The following KLHL29 variants were observed in gnomAD, a reference collection of about 807,000 sequenced individuals.
KLHL29 encodes the protein kelch like family member 29.
A neutral mutation model predicts 80.4 loss-of-function variants in KLHL29; 21 were observed. That is an observed-to-expected ratio of 0.26 (90% CI 0.19 to 0.38). KLHL29 has a LOEUF of 0.38. Among genes scored for constraint, KLHL29 ranks in the 10% least tolerant of loss-of-function variants. The pLI is 1.00. For missense variants in KLHL29, 867 were observed against 1,223.9 expected, an observed-to-expected ratio of 0.71 and a Z score of 4.35; for synonymous variants, 511 against 526.8, an observed-to-expected ratio of 0.97 and a Z score of 0.41.
chr2:23,638,890 A>C (rs561992042), intron 3 of KLHL29, among the ~76,000 whole-genome samples: 12 of 152,312 alleles, frequency 7.9e-5, no homozygotes, highest in African/African-American at 2.6e-4. Flanking sequence ...CAAGGGAGGC[A>C]CTGGCTTGGA....
chr2:23,584,379 C>T (rs1217565008), intron 3 of KLHL29, among the ~76,000 whole-genome samples: 20 of 152,258 alleles, frequency 1.3e-4, no homozygotes, highest in Admixed American at 1.3e-3. Flanking sequence ...ACCCTCCTCC[C>T]AGCTTCGCCC....
At chr2:23,461,646 C>T (rs1043655929) in intron 1 of KLHL29, among the ~76,000 whole-genome samples, 7 of 149,744 alleles carry the variant, frequency 4.7e-5, no homozygotes, top group Non-Finnish European at 1.0e-4. Flanking sequence ...ACCCCTCTAC[C>T]TTGTATGACT....
In KLHL29 at chr2:23,681,361, C is replaced by A. The variant is rs55859418; in HGVS notation, c.941-3038C>A. Among the ~76,000 whole-genome samples the A allele has an allele frequency of 0.099, 15,099 of 152,256 alleles. 860 individuals are homozygous for A. Among genetic ancestry groups the A allele is most frequent in the Middle Eastern group, 0.17 (49 of 294 alleles). On this transcript the variant is annotated intron_variant, in intron 5 of 13. Transcript: ENST00000486442. This position sits in a 1 kb window ranked among gnomAD's most constrained non-coding sequence, Gnocchi z 4.2. ...CTACATTAGGATGGGGACACCTGAACCTCCAAGCGCCTTCCAGGTCTAGCT... is the reference window on the plus strand; with the variant it reads ...CTACATTAGGATGGGGACACCTGAAACTCCAAGCGCCTTCCAGGTCTAGCT...
intron 5 of KLHL29, among the ~76,000 whole-genome samples, chr2:23,670,435 C>T (rs990154114): frequency 4.6e-5 from 7 of 152,044 alleles, no homozygotes; most frequent in African/African-American, 9.7e-5. Context: ...GGCACCGTGC[C>T]TGCTACACAG....
In KLHL29 at chr2:23,428,019, G is replaced by C. The variant is rs1458392001; in HGVS notation, c.-154+42239G>C. Among the ~76,000 whole-genome samples the C allele has an allele frequency of 2.0e-5, 3 of 152,318 alleles. No individual in the cohort carries two copies. In the South Asian group the frequency reaches 6.2e-4, roughly 32 times the overall value. On this transcript the variant is annotated intron_variant, in intron 1 of 13. Transcript: ENST00000486442. ...CTGTCTCTGCCTGCAGCCTTGATTA[G>C]CCATCAGCATGCGTGAAAACTCATT...
intron 2 of KLHL29, among the ~76,000 whole-genome samples, chr2:23,529,818 G>C (rs13411948): frequency 0.13 from 19,878 of 152,242 alleles, 2,430 homozygotes; most frequent in African/African-American, 0.33. Context: ...ACAGCCTGGG[G>C]GGCCGCATTT....
At chr2:23,536,241 T>G (rs1489435870) in intron 2 of KLHL29, among the ~76,000 whole-genome samples, 1 of 152,182 alleles carries the variant, frequency 6.6e-6, no homozygotes, top group Non-Finnish European at 1.5e-5. Context: ...CTGAAGCTGA[T>G]GATGGAGGGG....
At chr2:23,479,940 C>A (rs1187383255) in intron 2 of KLHL29, among the ~76,000 whole-genome samples, 1 of 152,236 alleles carries the variant, frequency 6.6e-6, no homozygotes, top group Admixed American at 6.5e-5. Context: ...GAACCACCGA[C>A]AGTGTGTCCT....
intron 2 of KLHL29, among the ~76,000 whole-genome samples, chr2:23,528,429 T>A (rs182261250): frequency 8.5e-5 from 13 of 152,226 alleles, no homozygotes; most frequent in Admixed American, 3.9e-4. Context: ...ACTCTCCGTG[T>A]GGTTCAACAG....
intron 13 of KLHL29, 60 bp downstream of exon 13, chr2:23,703,923 T>A (rs1243633948): frequency 6.8e-7 from 1 of 1,470,268 alleles, no homozygotes; most frequent in Non-Finnish European, 9.0e-7. Flanking sequence ...AGGAGGGGTG[T>A]GACCACAATG....
intron 3 of KLHL29, among the ~76,000 whole-genome samples, chr2:23,569,574 C>T (rs1024370909): frequency 2.0e-5 from 3 of 152,040 alleles, no homozygotes; most frequent in Admixed American, 2.0e-4. Flanking sequence ...GTTAAATAGG[C>T]TTTGGAGAAC....
intron 2 of KLHL29, among the ~76,000 whole-genome samples, chr2:23,519,596 G>A (rs1239235882): frequency 1.2e-4 from 19 of 152,178 alleles, no homozygotes; most frequent in Non-Finnish European, 2.9e-5. Flanking sequence ...TCTGAGACAG[G>A]TCTCGGTGAA....
Position 23,639,176 on chromosome 2 carries a change from G to T in KLHL29, c.323G>T (p.Gly108Val). Reference protein sequence around the residue: ...GISKGDSQSQGLATSIRWGQT... With the variant: ...GISKGDSQSQVLATSIRWGQT... Reference sequence around the variant, plus strand: ...TCCAAAGGGGACAGTCAGTCCCAGGGACTGGCGACCAGCATCCGGTGGGGG... The same window carrying T: ...TCCAAAGGGGACAGTCAGTCCCAGGTACTGGCGACCAGCATCCGGTGGGGG... Residue 108 changes from glycine (G) to valine (V), a missense_variant, in exon 4 of 14, where the codon GGA (glycine) becomes GTA (valine). Transcript: ENST00000486442. 3.6e-5 allele frequency: 56 copies of T among 1,545,604 alleles called. No individual in the cohort carries two copies. The highest frequency in any genetic ancestry group is 4.8e-5 in the Non-Finnish European group (55 of 1,144,640).
At chr2:23,652,866 C>G (rs566172368) in intron 5 of KLHL29, among the ~76,000 whole-genome samples, 2 of 152,308 alleles carry the variant, frequency 1.3e-5, no homozygotes, top group East Asian at 3.9e-4. Flanking sequence ...TTATCAGGAT[C>G]GAGATTGTTG....
intron 1 of KLHL29, among the ~76,000 whole-genome samples, chr2:23,450,228 C>G (rs142928393): frequency 1.3e-5 from 2 of 152,170 alleles, no homozygotes; most frequent in East Asian, 3.9e-4. Context: ...AGACAGAGCA[C>G]GACTCTCCCA....
chr2:23,633,879 G>A (rs1021308026), intron 3 of KLHL29, among the ~76,000 whole-genome samples: 2 of 151,618 alleles, frequency 1.3e-5, no homozygotes, highest in African/African-American at 2.4e-5. Flanking sequence ...TGTCCTCAGC[G>A]TTCATTTCTC....
At chr2:23,698,103 C>T (rs993319450) in intron 11 of KLHL29, among the ~76,000 whole-genome samples, 5 of 152,250 alleles carry the variant, frequency 3.3e-5, no homozygotes, top group African/African-American at 1.2e-4. Context: ...TGGAGCAGTT[C>T]TCCAAGACCA....
chr2:23,386,170 C>T (rs567052651), intron 1 of KLHL29, among the ~76,000 whole-genome samples: 1 of 151,982 alleles, frequency 6.6e-6, no homozygotes, highest in African/African-American at 2.4e-5. Context: ...CCTGAGCGGC[C>T]CAGGGCCCCG....
rs555206140 is a variant in KLHL29 at position 23,475,702 on chromosome 2, A to G, written c.-46+35A>G. The G allele has an allele frequency of 1.8e-5, 3 of 167,078 alleles. No individual in the cohort carries two copies. In the East Asian group the frequency reaches 5.8e-4, roughly 32 times the overall value. The allele number at this position is 167,078 out of a possible 1,614,324, so 10.3% of individuals were successfully genotyped here. The stretch of plus-strand genomic sequence containing the variant: ...TGCTTAGCTCACCTGGAAATAAGAA[A>G]GGCATCAGACCTGAGCATAGCCAGC... On this transcript the variant is annotated intron_variant, in intron 2 of 13. Coordinates refer to ENST00000486442, the MANE Select transcript of KLHL29 (RefSeq NM_052920.2).
Sources: allele counts gnomAD v4.1 joint callset (sites outside exome capture counted in the v4.1 genomes callset), GRCh38; gene constraint gnomAD v4.1.1; non-coding constraint Gnocchi (gnomAD v3.1); transcripts MANE v1.5; gene names NCBI Gene and HGNC (gene_info 2026-07-23, HGNC 2026-07-21).